The following INPP4B variants were observed in gnomAD, a reference collection of about 807,000 sequenced individuals.
INPP4B encodes the protein inositol polyphosphate-4-phosphatase type II B.
In INPP4B, 55 loss-of-function variants were observed where a neutral mutation model predicts 122.5. That is an observed-to-expected ratio of 0.45 (90% CI 0.36 to 0.56). The LOEUF (loss-of-function observed/expected upper bound fraction) is 0.56, where lower values mean the gene tolerates loss of function less well. INPP4B is among the 20% of genes least tolerant of loss of function. INPP4B has a pLI of 0.00. For synonymous variants in INPP4B, 403 were observed against 388.7 expected (o/e 1.04, Z -0.43); for missense variants, 1,000 against 1,097.7 (o/e 0.91, Z 1.26).
intron 7 of INPP4B, among the ~76,000 whole-genome samples, chr4:142,387,012 T>C (rs1428471213): frequency 6.6e-6 from 1 of 152,140 alleles, no homozygotes; most frequent in Non-Finnish European, 1.5e-5. Context: ...TTGAGCTCTC[T>C]GAGTTTCTTT....
chr4:142,717,146 TGATA>T (rs1763882061), intron 2 of INPP4B, among the ~76,000 whole-genome samples: 1 of 152,144 alleles, frequency 6.6e-6, no homozygotes, highest in Non-Finnish European at 1.5e-5. Context: ...GTAAAAGTAC[TGATA>T]GAGTGGGCAG....
intron 1 of INPP4B, among the ~76,000 whole-genome samples, chr4:142,814,539 A>G (rs1327110002): frequency 1.3e-5 from 2 of 152,092 alleles, no homozygotes; most frequent in East Asian, 1.9e-4. Context: ...CTCCAAAATC[A>G]TTTTACAGAG....
At chr4:142,543,256 C>T (rs1201694375) in intron 2 of INPP4B, among the ~76,000 whole-genome samples, 1 of 152,028 alleles carries the variant, frequency 6.6e-6, no homozygotes, top group African/African-American at 2.4e-5. Context: ...AATGCTGTTT[C>T]CAATTAAGTT....
intron 1 of INPP4B, among the ~76,000 whole-genome samples, chr4:142,806,785 AGGAAAGAAAGAAAGAAAG>A (rs1294225290): frequency 1.2e-5 from 1 of 81,060 alleles, no homozygotes; most frequent in Non-Finnish European, 2.9e-5. Context: ...GAAAGAAAGA[AGGAAAGAAAGAAAGAAAG>A]AAAGAAAGAA....
At chr4:142,112,163 A>C (rs1484825904) in intron 22 of INPP4B, among the ~76,000 whole-genome samples, 1 of 152,228 alleles carries the variant, frequency 6.6e-6, no homozygotes, top group African/African-American at 2.4e-5. Flanking sequence ...AACACAAAAA[A>C]GAGAAAAACT....
At chr4:142,301,312 T>A (rs1172987044) in intron 9 of INPP4B, among the ~76,000 whole-genome samples, 1 of 152,182 alleles carries the variant, frequency 6.6e-6, no homozygotes, top group African/African-American at 2.4e-5. Flanking sequence ...GCAGATAAAA[T>A]TGAATTTTAA....
intron 7 of INPP4B, among the ~76,000 whole-genome samples, chr4:142,392,808 G>C (rs570231108): frequency 2.6e-5 from 4 of 152,122 alleles, no homozygotes; most frequent in Non-Finnish European, 5.9e-5. Flanking sequence ...TATGACCTAC[G>C]GAGAAAACAT....
intron 12 of INPP4B, among the ~76,000 whole-genome samples, chr4:142,230,422 G>A (rs986451922): frequency 2.0e-5 from 3 of 152,184 alleles, no homozygotes; most frequent in South Asian, 4.2e-4. Flanking sequence ...GAGGCAGGTG[G>A]ATCACCTGAG....
At position 142,720,733 on chromosome 4, in the gene INPP4B, T is replaced by TATATATATGA. The variant is rs1553997305; in HGVS notation, c.-191+5105_-191+5106insTCATATATAT. Reference sequence around the variant, plus strand: ...AACTGTATATGTGTATATATATACATATATATATATATATACATATATATA... The same window carrying TATATATATGA: ...AACTGTATATGTGTATATATATACATATATATATGAATATATATATATATACATATATATA... On this transcript the variant is annotated intron_variant, in intron 2 of 25. Coordinates refer to ENST00000262992, the MANE Select transcript of INPP4B (RefSeq NM_001101669.3). 8.3e-4 allele frequency among the ~76,000 whole-genome samples: 46 copies of TATATATATGA among 55,464 alleles called. 4 individuals carry two copies. The highest frequency in any genetic ancestry group is 4.0e-3 in the African/African-American group (43 of 10,844). 36.4% of individuals were successfully genotyped at this position (55,464 alleles called of 152,430 possible).
At chr4:142,182,534 G>A (rs1388660571) in intron 15 of INPP4B, among the ~76,000 whole-genome samples, 1 of 111,158 alleles carries the variant, frequency 9.0e-6, no homozygotes, top group East Asian at 2.7e-4. Context: ...GTGACAGAGC[G>A]AGACTCTGTC....
chr4:142,206,623 T>G (rs1014425306), intron 14 of INPP4B, among the ~76,000 whole-genome samples: 3 of 152,022 alleles, frequency 2.0e-5, no homozygotes, highest in Non-Finnish European at 2.9e-5. Context: ...TTTAACCACA[T>G]TATTGAGGTA....
chr4:142,327,990 G>T (rs775746340), intron 7 of INPP4B, among the ~76,000 whole-genome samples: 1 of 150,808 alleles, frequency 6.6e-6, no homozygotes, highest in Admixed American at 6.6e-5. Flanking sequence ...CAAAGACTGC[G>T]GAGGGAAGTT....
intron 16 of INPP4B, among the ~76,000 whole-genome samples, chr4:142,166,372 C>G (rs1195880454): frequency 6.6e-6 from 1 of 151,680 alleles, no homozygotes; most frequent in African/African-American, 2.4e-5. Context: ...TTCCTTACAC[C>G]TTTTACAAAA....
intron 1 of INPP4B, among the ~76,000 whole-genome samples, chr4:142,806,876 G>A (rs1385433579): frequency 6.6e-6 from 1 of 151,658 alleles, no homozygotes; most frequent in African/African-American, 2.4e-5. Context: ...ACAAGCTAAA[G>A]AGTGAGGGAG....
intron 2 of INPP4B, among the ~76,000 whole-genome samples, chr4:142,685,599 T>A (rs1759232567): frequency 6.6e-6 from 1 of 152,048 alleles, no homozygotes; most frequent in African/African-American, 2.4e-5. Context: ...TTGGTATAAA[T>A]TTAAATAGGT....
intron 2 of INPP4B, among the ~76,000 whole-genome samples, chr4:142,594,954 C>CAAA (rs70949177): frequency 2.0e-3 from 118 of 57,982 alleles, no homozygotes; most frequent in South Asian, 3.1e-3. Flanking sequence ...GACTCTGTCT[C>CAAA]AAAAAAAAAA....
intron 3 of INPP4B, among the ~76,000 whole-genome samples, chr4:142,459,301 A>C (rs1370433493): frequency 1.3e-5 from 2 of 152,140 alleles, no homozygotes; most frequent in Non-Finnish European, 2.9e-5. Flanking sequence ...AAAAAAAAAA[A>C]AAAACAAAGG....
At chr4:142,431,501 C>T (rs1389631734) in intron 3 of INPP4B, 116 bp from the exon 4 acceptor site, 1 of 511,048 alleles carries the variant, frequency 2.0e-6, no homozygotes, top group African/African-American at 2.0e-5. Context: ...CTGCCTACTC[C>T]ACTCATACTT....
At chr4:142,046,314 A>G (rs1407764396) in intron 25 of INPP4B, among the ~76,000 whole-genome samples, 1 of 152,160 alleles carries the variant, frequency 6.6e-6, no homozygotes, top group African/African-American at 2.4e-5. Flanking sequence ...GACCTTTGTT[A>G]AAACTAAAAT....
Sources: allele counts gnomAD v4.1 joint callset (sites outside exome capture counted in the v4.1 genomes callset), GRCh38; gene constraint gnomAD v4.1.1; transcripts MANE v1.5; gene names NCBI Gene and HGNC (gene_info 2026-07-23, HGNC 2026-07-21).